The following PDE1A variants were observed in gnomAD, a reference collection of about 807,000 sequenced individuals.
PDE1A encodes dual specificity calcium/calmodulin-dependent 3',5'-cyclic nucleotide phosphodiesterase 1A.
In PDE1A, 35 loss-of-function variants were observed where a neutral mutation model predicts 61.7. The observed-to-expected ratio is 0.57, with a 90% confidence interval of 0.43 to 0.75. The LOEUF (loss-of-function observed/expected upper bound fraction) is 0.75, where lower values mean the gene tolerates loss of function less well. PDE1A is among the 30% of genes least tolerant of loss of function. PDE1A has a pLI of 0.00. For missense variants in PDE1A, 597 were observed against 630.6 expected, an observed-to-expected ratio of 0.95 and a Z score of 0.57; for synonymous variants, 232 against 213.2, an observed-to-expected ratio of 1.09 and a Z score of -0.77.
intron 11 of PDE1A, among the ~76,000 whole-genome samples, chr2:182,187,530 C>G (rs917623248): frequency 6.6e-6 from 1 of 152,022 alleles, no homozygotes; most frequent in Non-Finnish European, 1.5e-5. Flanking sequence ...GTGATAATGT[C>G]CTGTAAATAT....
At chr2:182,287,035 T>G (rs558077636) in intron 1 of PDE1A, among the ~76,000 whole-genome samples, 1 of 152,252 alleles carries the variant, frequency 6.6e-6, no homozygotes, top group South Asian at 2.1e-4. Flanking sequence ...TACCTTGACT[T>G]CATAATCTTG....
intron 1 of PDE1A, among the ~76,000 whole-genome samples, chr2:182,338,637 C>A (rs1303026801): frequency 6.6e-6 from 1 of 152,120 alleles, no homozygotes; most frequent in African/African-American, 2.4e-5. Flanking sequence ...CATTCTCCTG[C>A]CTCAGCCTCC....
chr2:182,304,091 C>T (rs923530245), intron 1 of PDE1A, among the ~76,000 whole-genome samples: 2 of 151,952 alleles, frequency 1.3e-5, no homozygotes, highest in Non-Finnish European at 1.5e-5. Context: ...AGTAGAGACA[C>T]GGTTTCACCA....
chr2:182,668,889 G>C, the PDE1A span, among the ~76,000 whole-genome samples: 11 of 152,162 alleles, frequency 7.2e-5, no homozygotes, highest in African/African-American at 2.7e-4. Flanking sequence ...CAGCAGGGCA[G>C]TTACACTCCT....
intron 2 of PDE1A, among the ~76,000 whole-genome samples, chr2:182,508,225 AG>A (rs1241533088): frequency 6.6e-6 from 1 of 152,100 alleles, no homozygotes; most frequent in African/African-American, 2.4e-5. Flanking sequence ...TACTAACATA[AG>A]GCATATACCT....
At chr2:182,147,095 T>C in exon 14 of PDE1A, 1 of 1,606,356 alleles carries the variant, frequency 6.2e-7, no homozygotes. Context: ...ATGTGTCTCA[T>C]CATGTTTTTC....
chr2:182,210,626 C>G (rs2125527366), intron 7 of PDE1A, among the ~76,000 whole-genome samples: 1 of 152,092 alleles, frequency 6.6e-6, no homozygotes, highest in Admixed American at 6.5e-5. Context: ...TTGATAGTGT[C>G]TTTGGTAGAG....
the PDE1A span, among the ~76,000 whole-genome samples, chr2:182,673,491 G>C: frequency 6.6e-6 from 1 of 151,932 alleles, no homozygotes; most frequent in South Asian, 2.1e-4. Context: ...AGCATGCTAA[G>C]AAAAGTTAAA....
chr2:182,465,393 A>T (rs1686589163), intron 2 of PDE1A, among the ~76,000 whole-genome samples: 1 of 151,598 alleles, frequency 6.6e-6, no homozygotes, highest in Non-Finnish European at 1.5e-5. Context: ...AGTTCAGAGC[A>T]GTGTCTCAAA....
At chr2:182,636,070 T>TC in the PDE1A span, among the ~76,000 whole-genome samples, 3 of 150,266 alleles carry the variant, frequency 2.0e-5, no homozygotes, top group African/African-American at 7.4e-5. Context: ...ATTCTCCTGC[T>TC]TCAGGCTCCC....
intron 13 of PDE1A, among the ~76,000 whole-genome samples, chr2:182,149,154 C>CAG (rs1361298035): frequency 1.3e-5 from 2 of 152,068 alleles, no homozygotes; most frequent in East Asian, 3.9e-4. Context: ...GTAAAAAGAA[C>CAG]AGACTGAATT....
At chr2:182,355,653 C>A (rs895307190) in intron 1 of PDE1A, among the ~76,000 whole-genome samples, 12 of 151,938 alleles carry the variant, frequency 7.9e-5, no homozygotes, top group Non-Finnish European at 1.8e-4. Flanking sequence ...CTATTGAATT[C>A]TAATTTTCTA....
chr2:182,162,218 T>C (rs529999422), intron 13 of PDE1A, among the ~76,000 whole-genome samples: 5 of 152,246 alleles, frequency 3.3e-5, no homozygotes, highest in Admixed American at 1.3e-4. Context: ...ACAAATGCAA[T>C]GGGAATAATT....
intron 2 of PDE1A, among the ~76,000 whole-genome samples, chr2:182,444,222 C>T (rs1684986945): frequency 6.6e-6 from 1 of 152,142 alleles, no homozygotes; most frequent in South Asian, 2.1e-4. Flanking sequence ...GAATATGCTT[C>T]CTTCAAATTC....
At chr2:182,464,216 A>G (rs1232944083) in intron 2 of PDE1A, among the ~76,000 whole-genome samples, 2 of 152,166 alleles carry the variant, frequency 1.3e-5, no homozygotes, top group Non-Finnish European at 2.9e-5. Flanking sequence ...GTGTTAATGA[A>G]AAAATTATTC....
chr2:182,341,978 A>T, intron 1 of PDE1A, among the ~76,000 whole-genome samples: 1 of 152,128 alleles, frequency 6.6e-6, no homozygotes, highest in East Asian at 1.9e-4. Flanking sequence ...TATGTTGCCC[A>T]GGCTGATCTG....
chr2:182,683,187 G>C, the PDE1A span, among the ~76,000 whole-genome samples: 1 of 150,810 alleles, frequency 6.6e-6, no homozygotes, highest in African/African-American at 2.4e-5. Flanking sequence ...CCGCCCCCCA[G>C]GTTCAAGCGA....
chr2:182,641,019 C>CA, the PDE1A span, among the ~76,000 whole-genome samples: 12 of 61,324 alleles, frequency 2.0e-4, no homozygotes, highest in Non-Finnish European at 3.1e-4. Flanking sequence ...GACTCCATCT[C>CA]AAAAAAAAAA....
At chr2:182,377,870 CAG>C (rs1185423444) in intron 1 of PDE1A, among the ~76,000 whole-genome samples, 1 of 150,254 alleles carries the variant, frequency 6.7e-6, no homozygotes, top group Non-Finnish European at 1.5e-5. Flanking sequence ...TTTTTTGAGA[CAG>C]AGTCTTGCTG....
Sources: allele counts gnomAD v4.1 joint callset (sites outside exome capture counted in the v4.1 genomes callset), GRCh38; gene constraint gnomAD v4.1.1; transcripts MANE v1.5; gene names NCBI Gene and HGNC (gene_info 2026-07-23, HGNC 2026-07-21).